RNF125: variants seen among roughly 807,000 people sequenced by gnomAD.
RNF125 encodes the protein ring finger protein 125.
In RNF125, 21 loss-of-function variants were observed where a neutral mutation model predicts 26.0. The ratio of observed to expected loss-of-function variants is 0.81; its 90% CI spans 0.57 to 1.16. The LOEUF (loss-of-function observed/expected upper bound fraction) is 1.16. RNF125 is among the 50% of genes most tolerant of loss of function. RNF125 has a pLI of 0.00. For synonymous variants in RNF125, 95 were observed against 109.2 expected, an observed-to-expected ratio of 0.87 and a Z score of 0.81; for missense variants, 270 against 299.4, an observed-to-expected ratio of 0.90 and a Z score of 0.72.
intron 4 of RNF125, among the ~76,000 whole-genome samples, chr18:32,055,710 G>A (rs2039373998): frequency 1.3e-5 from 2 of 152,124 alleles, no homozygotes; most frequent in Non-Finnish European, 2.9e-5. Context: ...GCCAGGTGTG[G>A]TGGCTCATGC....
the RNF125 span, among the ~76,000 whole-genome samples, chr18:32,079,307 A>G: frequency 1.3e-5 from 2 of 152,220 alleles, no homozygotes; most frequent in African/African-American, 4.8e-5. Flanking sequence ...TCCTGACCTC[A>G]TCTAATCCTA....
At chr18:32,019,392 G>A (rs570726542) in intron 1 of RNF125, among the ~76,000 whole-genome samples, 4 of 152,206 alleles carry the variant, frequency 2.6e-5, no homozygotes, top group Admixed American at 6.5e-5. Context: ...GGCACGGAAA[G>A]GAAACGAGCT....
intron 4 of RNF125, among the ~76,000 whole-genome samples, chr18:32,064,095 A>G (rs2039459628): frequency 6.6e-6 from 1 of 151,684 alleles, no homozygotes; most frequent in African/African-American, 2.4e-5. Flanking sequence ...CCTGGGTTCA[A>G]GCCATTCTGC....
intron 4 of RNF125, among the ~76,000 whole-genome samples, chr18:32,061,088 G>A (rs1453359486): frequency 1.3e-5 from 2 of 152,032 alleles, no homozygotes; most frequent in Non-Finnish European, 2.9e-5. Flanking sequence ...GCAGTGGTGC[G>A]ATCTCGGCTC....
At chr18:32,026,757 G>A (rs951329582) in intron 1 of RNF125, among the ~76,000 whole-genome samples, 8 of 152,218 alleles carry the variant, frequency 5.3e-5, no homozygotes, top group Non-Finnish European at 1.0e-4. Flanking sequence ...ATAAACCAAC[G>A]TTTTAACCAA....
At chr18:32,068,167 C>A (rs371580063) in intron 5 of RNF125, 131 bp from the exon 6 acceptor site, 2 of 537,254 alleles carry the variant, frequency 3.7e-6, no homozygotes, top group South Asian at 2.7e-5. Context: ...CTATGACAGG[C>A]TTTGTGGAAC....
chr18:32,042,689 T>C (rs1453200002), intron 3 of RNF125, among the ~76,000 whole-genome samples: 1 of 151,520 alleles, frequency 6.6e-6, no homozygotes, highest in Non-Finnish European at 1.5e-5. Context: ...TGTTTCTCTT[T>C]AGAATATAGA....
chr18:32,054,914 T>C (rs536627600), intron 4 of RNF125, among the ~76,000 whole-genome samples: 31 of 152,326 alleles, frequency 2.0e-4, no homozygotes, highest in Admixed American at 6.5e-5. Context: ...TATTATCTAA[T>C]CTGCAAAGTA....
At chr18:32,058,647 A>G (rs958704576) in intron 4 of RNF125, among the ~76,000 whole-genome samples, 11 of 152,134 alleles carry the variant, frequency 7.2e-5, no homozygotes, top group African/African-American at 2.2e-4. Flanking sequence ...TGCCTGGCCT[A>G]TACTCTTAAA....
At chr18:32,087,224 G>A in the RNF125 span, among the ~76,000 whole-genome samples, 1 of 151,330 alleles carries the variant, frequency 6.6e-6, no homozygotes, top group Non-Finnish European at 1.5e-5. Context: ...TTCAAGTTGC[G>A]GTTCCCAGAG....
chr18:32,081,887 A>G, the RNF125 span, among the ~76,000 whole-genome samples: 3 of 152,192 alleles, frequency 2.0e-5, no homozygotes, highest in Non-Finnish European at 4.4e-5. Flanking sequence ...TCTGGATGTG[A>G]GTAGAAAAAA....
intron 1 of RNF125, among the ~76,000 whole-genome samples, chr18:32,029,763 C>A (rs1194068063): frequency 1.3e-5 from 2 of 152,148 alleles, no homozygotes; most frequent in East Asian, 3.8e-4. Flanking sequence ...GAGAGACTGG[C>A]ACAGGAGGAA....
At chr18:32,033,524 C>CAA (rs34652019) in intron 1 of RNF125, among the ~76,000 whole-genome samples, 1 of 133,352 alleles carries the variant, frequency 7.5e-6, no homozygotes, top group Non-Finnish European at 1.6e-5. Context: ...GACTCCACCT[C>CAA]AAAAAAAAAA....
At chr18:32,024,476 G>C (rs2039014956) in intron 1 of RNF125, among the ~76,000 whole-genome samples, 1 of 151,792 alleles carries the variant, frequency 6.6e-6, no homozygotes, top group South Asian at 2.1e-4. Context: ...TTAGAGATAT[G>C]ATCTAAGAAC....
chr18:32,050,452 G>A (rs1368309400), intron 4 of RNF125, among the ~76,000 whole-genome samples: 1 of 152,104 alleles, frequency 6.6e-6, no homozygotes, highest in Non-Finnish European at 1.5e-5. Context: ...TGAGTAGCTG[G>A]AACTACAGGT....
chr18:32,088,758 C>T, the RNF125 span, among the ~76,000 whole-genome samples: 1 of 152,160 alleles, frequency 6.6e-6, no homozygotes, highest in African/African-American at 2.4e-5. Context: ...CCTCGGCCTC[C>T]CAGAGTGCTG....
the RNF125 span, among the ~76,000 whole-genome samples, chr18:32,080,267 G>A: frequency 6.6e-6 from 1 of 152,170 alleles, no homozygotes; most frequent in Non-Finnish European, 1.5e-5. Context: ...GACCTCAGGT[G>A]ATCTGCCCAC....
intron 4 of RNF125, among the ~76,000 whole-genome samples, chr18:32,057,001 T>C (rs917501615): frequency 2.0e-5 from 3 of 152,234 alleles, no homozygotes; most frequent in Non-Finnish European, 4.4e-5. Flanking sequence ...GGTGATCTAA[T>C]GTAGCCTCCC....
At chr18:32,080,339 GT>G in the RNF125 span, among the ~76,000 whole-genome samples, 3 of 152,136 alleles carry the variant, frequency 2.0e-5, no homozygotes, top group Non-Finnish European at 4.4e-5. Context: ...TATCCACTAT[GT>G]TTTGATATAC....
Sources: gnomAD v4.1 joint callset for allele counts (sites outside exome capture counted in the v4.1 genomes callset) on GRCh38, gnomAD v4.1.1 for gene constraint, MANE v1.5 for transcripts, NCBI Gene and HGNC (gene_info 2026-07-23, HGNC 2026-07-21) for gene names.